The following MTAP variants were observed in gnomAD, a reference collection of about 807,000 sequenced individuals.
The protein encoded by MTAP is methylthioadenosine phosphorylase.
MTAP carries 33 observed loss-of-function variants against 33.6 expected under a neutral mutation model. That is an observed-to-expected ratio of 0.98 (90% CI 0.74 to 1.31). The LOEUF (loss-of-function observed/expected upper bound fraction) is 1.31. MTAP is among the 40% of genes most tolerant of loss of function. The pLI, the probability that MTAP is intolerant of heterozygous loss-of-function variation, is 0.00. For missense variants in MTAP, 367 were observed against 360.0 expected (o/e 1.02, Z -0.16); for synonymous variants, 148 against 125.7 (o/e 1.18, Z -1.19).
intron 1 of MTAP, among the ~76,000 whole-genome samples, chr9:21,815,160 T>C (rs1214624601): frequency 6.6e-6 from 1 of 152,196 alleles, no homozygotes; most frequent in Non-Finnish European, 1.5e-5. Context: ...GACTTGTAAT[T>C]CAGACAGTCA....
intron 5 of MTAP, among the ~76,000 whole-genome samples, chr9:21,842,238 T>C (rs1825265465): frequency 6.6e-6 from 1 of 152,114 alleles, no homozygotes; most frequent in South Asian, 2.1e-4. Flanking sequence ...AAAAGAATTT[T>C]AAAATGAAAT....
chr9:21,859,242 G>A (rs1365024759), intron 6 of MTAP, 61 bp from the exon 7 acceptor site: 2 of 1,553,992 alleles, frequency 1.3e-6, no homozygotes, highest in African/African-American at 2.8e-5. Context: ...TCAGAAAAAT[G>A]TTTTATGACA....
Position 21,858,650 on chromosome 9 carries a change from A to G in MTAP, c.691-653A>G, listed in dbSNP as rs117105750. Among the ~76,000 whole-genome samples the G allele has an allele frequency of 6.0e-3, 911 of 152,148 alleles. 17 individuals are homozygous for G. Among genetic ancestry groups the G allele is most frequent in the East Asian group, 0.054 (278 of 5,156 alleles). The stretch of plus-strand genomic sequence containing the variant: ...GTGAGAAATCCAACCCCATGATCCA[A>G]CCGCCTCCCACCAGGCCCCACCTCC... On this transcript the variant is annotated intron_variant, in intron 6 of 7. Coordinates refer to ENST00000644715, the MANE Select transcript of MTAP (RefSeq NM_002451.4).
chr9:21,883,347 T>G (rs1227391906), intron 1 of MTAP, among the ~76,000 whole-genome samples: 1 of 152,004 alleles, frequency 6.6e-6, no homozygotes, highest in South Asian at 2.1e-4. Flanking sequence ...CTACACCCCA[T>G]CAGTTGAACA....
At chr9:21,890,246 A>C (rs1404135283) in intron 1 of MTAP, among the ~76,000 whole-genome samples, 1 of 152,002 alleles carries the variant, frequency 6.6e-6, no homozygotes, top group African/African-American at 2.4e-5. Flanking sequence ...GACCAGCCTC[A>C]CCCAGTTCCC....
At chr9:21,934,876 T>A (rs985963243), downstream of MTAP, 1 of 152,030 alleles carries the variant, frequency 6.6e-6, no homozygotes, top group Non-Finnish European at 1.5e-5. The surrounding 1 kb of genome is among the most constrained non-coding windows in gnomAD (Gnocchi z 5.0). Context: ...AATTTTTGTA[T>A]TTTTAGTAGA....
downstream of MTAP, chr9:21,935,161 A>C (rs891645767): frequency 3.9e-5 from 6 of 152,374 alleles, no homozygotes; most frequent in African/African-American, 1.4e-4. Flanking sequence ...ATTATAGAAT[A>C]GAATTCAATT....
intron 1 of MTAP, among the ~76,000 whole-genome samples, chr9:21,903,212 A>G (rs1818420045): frequency 6.6e-6 from 1 of 152,210 alleles, no homozygotes; most frequent in Non-Finnish European, 1.5e-5. Context: ...TACTATATTT[A>G]GACTCCAGCT....
chr9:21,887,389 G>T (rs1469804462), intron 1 of MTAP, among the ~76,000 whole-genome samples: 1 of 151,646 alleles, frequency 6.6e-6, no homozygotes, highest in Admixed American at 6.6e-5. Flanking sequence ...CCAATAGTTT[G>T]CTGAGAATGA....
chr9:21,832,989 ATTG>A (rs1256768362), intron 4 of MTAP, among the ~76,000 whole-genome samples: 1 of 152,130 alleles, frequency 6.6e-6, no homozygotes, highest in Non-Finnish European at 1.5e-5. Flanking sequence ...TTTTTGTGCT[ATTG>A]TTTAGCATGA....
intron 7 of MTAP, chr9:21,859,650 T>C (rs761742608): frequency 4.9e-6 from 2 of 410,384 alleles, no homozygotes; most frequent in Non-Finnish European, 8.6e-6. Context: ...GAGAGAGTTT[T>C]ATTATCTCGT....
intron 4 of MTAP, among the ~76,000 whole-genome samples, chr9:21,825,454 C>G (rs1259897981): frequency 6.6e-6 from 1 of 152,164 alleles, no homozygotes; most frequent in Non-Finnish European, 1.5e-5. Flanking sequence ...TTAGTAATGG[C>G]TGTATTAATT....
chr9:21,845,018 G>A (rs765106456), intron 5 of MTAP, among the ~76,000 whole-genome samples: 78 of 135,968 alleles, frequency 5.7e-4, no homozygotes, highest in Admixed American at 8.5e-4. Context: ...GCAACAGAGC[G>A]AGACTCCGTC....
intron 1 of MTAP, among the ~76,000 whole-genome samples, chr9:21,882,083 A>G (rs779712575): frequency 2.6e-5 from 4 of 152,004 alleles, no homozygotes; most frequent in Non-Finnish European, 4.4e-5. Flanking sequence ...TATAGCATGC[A>G]AATGTAGTAC....
At chr9:21,871,930 G>A (rs867582370), downstream of MTAP, among the ~76,000 whole-genome samples, 7 of 152,184 alleles carry the variant, frequency 4.6e-5, no homozygotes, top group South Asian at 4.1e-4. Flanking sequence ...TATATTGTCT[G>A]ATTTCAGTCT....
chr9:21,941,019 A>G (rs1196960643), downstream of MTAP: 2 of 983,640 alleles, frequency 2.0e-6, no homozygotes, highest in Non-Finnish European at 2.4e-6. Context: ...ATATATTTGC[A>G]TGAAATCATG....
downstream of MTAP, among the ~76,000 whole-genome samples, chr9:21,939,728 C>T (rs778042547): frequency 2.1e-5 from 3 of 145,198 alleles, no homozygotes; most frequent in Non-Finnish European, 1.5e-5. Flanking sequence ...AATAATAATA[C>T]AAAAATTAAC....
chr9:21,935,613 A>G (rs1239650641), downstream of MTAP: 1 of 152,138 alleles, frequency 6.6e-6, no homozygotes, highest in Non-Finnish European at 1.5e-5. Context: ...TAAATTTTGC[A>G]TACTTTATAT....
chr9:21,843,025 C>T (rs1056445691), intron 5 of MTAP, among the ~76,000 whole-genome samples: 3 of 152,128 alleles, frequency 2.0e-5, no homozygotes, highest in Non-Finnish European at 2.9e-5. Flanking sequence ...GGAGAATCAC[C>T]TAGCACACAT....
Sources: gnomAD v4.1 joint callset for allele counts (sites outside exome capture counted in the v4.1 genomes callset) on GRCh38, gnomAD v4.1.1 for gene constraint, Gnocchi (gnomAD v3.1) non-coding constraint, MANE v1.5 for transcripts, NCBI Gene and HGNC (gene_info 2026-07-23, HGNC 2026-07-21) for gene names.